SATB2: variants seen among roughly 807,000 people sequenced by gnomAD.
The protein encoded by SATB2 is SATB homeobox 2.
A neutral mutation model predicts 73.4 loss-of-function variants in SATB2; 1 was observed. That is an observed-to-expected ratio of 0.01 (90% CI 0.00 to 0.06). SATB2 has a LOEUF of 0.06. SATB2 is among the 10% of genes least tolerant of loss of function. SATB2 has a pLI of 1.00. For missense variants in SATB2, 459 were observed against 945.8 expected (o/e 0.49, Z 6.75); for synonymous variants, 397 against 367.0 (o/e 1.08, Z -0.93).
rs1227973398 is a variant in SATB2, at chr2:199,270,947, T to C, written c.*1264A>G. On this transcript the variant is annotated 3_prime_UTR_variant, in exon 11 of 11. Transcript: ENST00000417098. ...AAAATGTTTGATTAGGTAGATGGAA[T>C]GTGTACGAAGAAGAGGAAGCCCAAA... The C allele has an allele frequency of 1.3e-5, 2 of 152,328 alleles. No individual in the cohort carries two copies. Among genetic ancestry groups the C allele is most frequent in the African/African-American group, 4.8e-5 (2 of 41,436 alleles). The allele number at this position is 152,328 out of a possible 1,614,324, so 9.4% of individuals were successfully genotyped here.
At chr2:199,288,302 A>C (rs564245660) in intron 10 of SATB2, among the ~76,000 whole-genome samples, 15 of 152,334 alleles carry the variant, frequency 9.8e-5, no homozygotes, top group Admixed American at 6.5e-4. Flanking sequence ...ACCTCAGCCA[A>C]GAACCAGTTT....
At chr2:199,403,691 G>A (rs1027040657) in intron 3 of SATB2, among the ~76,000 whole-genome samples, 22 of 152,040 alleles carry the variant, frequency 1.4e-4, no homozygotes, top group Non-Finnish European at 2.8e-4. Flanking sequence ...GACTATTTTC[G>A]GATGAGAAAC....
intron 10 of SATB2, among the ~76,000 whole-genome samples, chr2:199,298,280 G>A (rs1044478049): frequency 3.9e-5 from 6 of 152,076 alleles, no homozygotes; most frequent in Admixed American, 1.3e-4. Flanking sequence ...CCTCTACAAC[G>A]TCAGAGCTCC....
At chr2:199,458,142 G>A (rs1198491107), upstream of SATB2, 2 of 166,846 alleles carry the variant, frequency 1.2e-5, no homozygotes, top group Non-Finnish European at 2.5e-5. Context: ...GGATGGGGGT[G>A]GGGGGGATGG....
At chr2:199,466,137 T>C (rs1056485230), upstream of SATB2, among the ~76,000 whole-genome samples, 1 of 152,182 alleles carries the variant, frequency 6.6e-6, no homozygotes, top group Non-Finnish European at 1.5e-5. Flanking sequence ...CCGGAGTTAC[T>C]TGGAGACAGA....
chr2:199,365,252 AC>A (rs1424378894), intron 6 of SATB2, among the ~76,000 whole-genome samples: 1 of 151,806 alleles, frequency 6.6e-6, no homozygotes, highest in African/African-American at 2.4e-5. Flanking sequence ...TATGAGCTCT[AC>A]ATTGTAAAAT....
chr2:199,306,883 A>C (rs908026230), intron 10 of SATB2, among the ~76,000 whole-genome samples: 2 of 152,210 alleles, frequency 1.3e-5, no homozygotes, highest in Non-Finnish European at 2.9e-5. Context: ...AAATTTCTCT[A>C]AGTTTCCAAC....
chr2:199,417,040 A>T (rs1282002596), intron 3 of SATB2, among the ~76,000 whole-genome samples: 230 of 98,230 alleles, frequency 2.3e-3, no homozygotes, highest in Non-Finnish European at 4.5e-3. Flanking sequence ...CGTCTCTCAC[A>T]CACACACACA....
chr2:199,443,319 A>G (rs1163239344), intron 2 of SATB2, among the ~76,000 whole-genome samples: 4 of 152,102 alleles, frequency 2.6e-5, no homozygotes, highest in African/African-American at 2.4e-5. Flanking sequence ...GGTCCTCTTG[A>G]AAGGAATTAA....
chr2:199,363,083 G>A (rs1689185668), intron 6 of SATB2, among the ~76,000 whole-genome samples: 1 of 152,182 alleles, frequency 6.6e-6, no homozygotes, highest in African/African-American at 2.4e-5. Context: ...CAGCTGGAAT[G>A]AGCTTCTTAA....
intron 2 of SATB2, among the ~76,000 whole-genome samples, chr2:199,436,672 A>T (rs1691661703): frequency 6.6e-6 from 1 of 152,162 alleles, no homozygotes; most frequent in African/African-American, 2.4e-5. Flanking sequence ...GAGGAAAAAT[A>T]GATGCAATTA....
chr2:199,313,078 T>TTA (rs1219784272), intron 9 of SATB2, among the ~76,000 whole-genome samples: 1 of 152,162 alleles, frequency 6.6e-6, no homozygotes, highest in Non-Finnish European at 1.5e-5. Flanking sequence ...AGGTTTTTGT[T>TTA]TAGTTAACAG....
intron 3 of SATB2, among the ~76,000 whole-genome samples, chr2:199,384,223 T>A (rs1270035898): frequency 6.6e-6 from 1 of 152,218 alleles, no homozygotes; most frequent in Non-Finnish European, 1.5e-5. Flanking sequence ...TACCTCCACA[T>A]AGAGCAGCTG....
intron 7 of SATB2, among the ~76,000 whole-genome samples, chr2:199,332,863 T>C (rs943492756): frequency 2.6e-5 from 4 of 152,110 alleles, no homozygotes; most frequent in African/African-American, 9.7e-5. Context: ...ACATCTTGTC[T>C]GGGACAGGTG....
rs188355876 is a variant in SATB2 at position 199,305,036 on chromosome 2, A to T, written c.1740+3724T>A. On this transcript the variant is annotated intron_variant, in intron 10 of 10. Transcript: ENST00000417098. ...TATAAAATTATAATAAATTAATATA[A>T]AAATAAATGGCATGTAATAGCTACC... Among the ~76,000 whole-genome samples, 547 of 152,296 alleles carry T rather than the reference A, an allele frequency of 3.6e-3. 4 individuals are homozygous for T. The highest frequency in any genetic ancestry group is 0.013 in the African/African-American group (525 of 41,572).
Position 199,455,927 on chromosome 2 carries a change from G to A in SATB2, c.111C>T (p.Asn37=). The A allele has an allele frequency of 6.5e-7, 1 of 1,538,064 alleles. No homozygotes were observed. The highest frequency in any genetic ancestry group is 8.7e-7 in the Non-Finnish European group (1 of 1,147,696). Residue 37 remains asparagine (N), a synonymous_variant, in exon 2 of 11, where the codon AAC becomes AAT. Coordinates refer to ENST00000417098, the MANE Select transcript of SATB2 (RefSeq NM_001172509.2). The surrounding 1 kb of genome is among the most constrained non-coding windows in gnomAD (Gnocchi z 4.1). ...TCCCGCGGGCTCCCATGGGGCTGCC[G>A]TTCTGCTCCAGCCGGGCCACCTTCA... ...PPVKVARLEQ[N]GSPMGARGRP...
At chr2:199,468,655 G>C (rs892929848), upstream of SATB2, among the ~76,000 whole-genome samples, 1 of 152,222 alleles carries the variant, frequency 6.6e-6, no homozygotes, top group Non-Finnish European at 1.5e-5. Context: ...CCATAGCCGA[G>C]GGGTAGAAGA....
At chr2:199,323,508 C>CACACACACACACACATAT (rs372830951) in intron 9 of SATB2, among the ~76,000 whole-genome samples, 13 of 144,356 alleles carry the variant, frequency 9.0e-5, no homozygotes, top group South Asian at 2.3e-4. Flanking sequence ...CACACACACA[C>CACACACACACACACATAT]ATATATAAAG....
At chr2:199,331,599 T>G (rs1688192246) in intron 7 of SATB2, among the ~76,000 whole-genome samples, 1 of 152,210 alleles carries the variant, frequency 6.6e-6, no homozygotes, top group South Asian at 2.1e-4. Flanking sequence ...AGTGGCTCAC[T>G]GGTGGGCACA....
Sources: gnomAD v4.1 joint callset for allele counts (sites outside exome capture counted in the v4.1 genomes callset) on GRCh38, gnomAD v4.1.1 for gene constraint, Gnocchi (gnomAD v3.1) non-coding constraint, MANE v1.5 for transcripts, NCBI Gene and HGNC (gene_info 2026-07-23, HGNC 2026-07-21) for gene names.